The following GSE1 variants were observed in gnomAD, a reference collection of about 807,000 sequenced individuals.
The protein encoded by GSE1 is genetic suppressor element 1.
In GSE1, 32 loss-of-function variants were observed where a neutral mutation model predicts 112.6. The observed-to-expected ratio is 0.28, with a 90% CI of 0.21 to 0.38. GSE1 has a LOEUF of 0.38. Among genes scored for constraint, GSE1 ranks in the 10% least tolerant of loss-of-function variants. The pLI is 1.00. For missense variants in GSE1, 2,348 were observed against 1,699.2 expected (o/e 1.38, Z -6.71); for synonymous variants, 1,115 against 735.6 (o/e 1.52, Z -8.35).
At chr16:85,556,423 C>T in intron 1 of GSE1, 1 of 799,614 alleles carries the variant, frequency 1.3e-6, no homozygotes, top group Middle Eastern at 6.4e-4. Flanking sequence ...GGGACCCTCC[C>T]TCACCCGACC....
At chr16:85,374,553 CGT>C (rs2047378259) in intron 2 of GSE1, among the ~76,000 whole-genome samples, 1 of 142,720 alleles carries the variant, frequency 7.0e-6, no homozygotes, top group Non-Finnish European at 1.5e-5. Flanking sequence ...TGCGCGCGCG[CGT>C]GCACAGGTAG....
At chr16:85,619,867 C>T (rs932843726) in intron 1 of GSE1, among the ~76,000 whole-genome samples, 4 of 152,146 alleles carry the variant, frequency 2.6e-5, no homozygotes, top group African/African-American at 9.7e-5. Context: ...TGTAGTCACA[C>T]AGCTGGTAAT....
chr16:85,392,491 T>A (rs1366973607), intron 2 of GSE1, among the ~76,000 whole-genome samples: 2 of 152,236 alleles, frequency 1.3e-5, no homozygotes, highest in Non-Finnish European at 2.9e-5. Flanking sequence ...TGAAATTGAC[T>A]GTGGTGAGTA....
intron 2 of GSE1, among the ~76,000 whole-genome samples, chr16:85,640,559 C>A (rs1200758417): frequency 6.6e-6 from 1 of 152,208 alleles, no homozygotes; most frequent in Non-Finnish European, 1.5e-5. Context: ...CCTGGTGCCA[C>A]CTGAAACCGA....
intron 2 of GSE1, among the ~76,000 whole-genome samples, chr16:85,398,709 A>G (rs976220939): frequency 1.3e-5 from 2 of 152,154 alleles, no homozygotes. Context: ...TTAGTGTCAG[A>G]GCCAGGAGAG....
At chr16:85,587,171 C>T (rs1216326775) in intron 1 of GSE1, among the ~76,000 whole-genome samples, 3 of 149,372 alleles carry the variant, frequency 2.0e-5, no homozygotes, top group African/African-American at 4.9e-5. Flanking sequence ...GGACGAAACC[C>T]CCCCCCCCCC....
chr16:85,588,120 A>T (rs1036096093), intron 1 of GSE1, among the ~76,000 whole-genome samples: 2 of 152,142 alleles, frequency 1.3e-5, no homozygotes, highest in African/African-American at 4.8e-5. Flanking sequence ...TGTCCTTGCC[A>T]GCTTCACTTC....
chr16:85,601,116 G>C (rs984312225), intron 1 of GSE1, among the ~76,000 whole-genome samples: 1 of 152,072 alleles, frequency 6.6e-6, no homozygotes, highest in African/African-American at 2.4e-5. Flanking sequence ...GCTCTGCTGG[G>C]GGAGGATACA....
intron 1 of GSE1, among the ~76,000 whole-genome samples, chr16:85,254,958 C>T (rs1409395280): frequency 6.6e-6 from 1 of 152,192 alleles, no homozygotes; most frequent in Admixed American, 6.5e-5. Context: ...TGTTCTGTGT[C>T]CCCCGGTGAT....
At chr16:85,643,196 C>G (rs142891250) in intron 2 of GSE1, among the ~76,000 whole-genome samples, 58 of 152,364 alleles carry the variant, frequency 3.8e-4, no homozygotes, top group African/African-American at 1.2e-3. Flanking sequence ...CGGACACGGG[C>G]TGCCTCTTGT....
At chr16:85,504,992 G>C (rs936313717) in intron 2 of GSE1, among the ~76,000 whole-genome samples, 1 of 148,760 alleles carries the variant, frequency 6.7e-6, no homozygotes, top group Admixed American at 6.7e-5. Context: ...CATTCTCCTC[G>C]TCAGCATCAC....
intron 2 of GSE1, among the ~76,000 whole-genome samples, chr16:85,385,218 G>T (rs1378778874): frequency 6.6e-6 from 1 of 152,250 alleles, no homozygotes; most frequent in African/African-American, 2.4e-5. Flanking sequence ...CCTCCAGCCT[G>T]TGGCTGCTTG....
chr16:85,248,783 G>C (rs1012508361), intron 1 of GSE1, among the ~76,000 whole-genome samples: 1 of 152,118 alleles, frequency 6.6e-6, no homozygotes, highest in Non-Finnish European at 1.5e-5. Flanking sequence ...AATGGGAACT[G>C]CTTCCTCCCT....
intron 2 of GSE1, among the ~76,000 whole-genome samples, chr16:85,480,414 C>T (rs528008499): frequency 1.3e-5 from 2 of 152,258 alleles, no homozygotes; most frequent in South Asian, 2.1e-4. Context: ...CTCCACCCCC[C>T]TCTGCCTGCT....
At chr16:85,233,161 A>T (rs924453188) in intron 1 of GSE1, among the ~76,000 whole-genome samples, 4 of 152,404 alleles carry the variant, frequency 2.6e-5, no homozygotes, top group African/African-American at 7.2e-5. Context: ...CATCCCCGAC[A>T]GTCCCCCTTG....
intron 1 of GSE1, among the ~76,000 whole-genome samples, chr16:85,223,657 T>C (rs1358973602): frequency 1.3e-5 from 2 of 151,860 alleles, no homozygotes; most frequent in Non-Finnish European, 2.9e-5. Context: ...CAGGCTGGAG[T>C]GCAGTGGCGT....
chr16:85,583,600 C>T (rs1229867778), intron 1 of GSE1: 1 of 152,156 alleles, frequency 6.6e-6, no homozygotes, highest in African/African-American at 2.4e-5. Flanking sequence ...CACGCAAACT[C>T]ACACACGGGC....
intron 2 of GSE1, among the ~76,000 whole-genome samples, chr16:85,423,223 G>A (rs1297382971): frequency 2.0e-5 from 3 of 152,218 alleles, no homozygotes; most frequent in Non-Finnish European, 4.4e-5. Context: ...AGGGGCAAAC[G>A]CCCAGCCAAG....
intron 1 of GSE1, chr16:85,357,377 T>A (rs1597475496): frequency 2.3e-6 from 2 of 873,470 alleles, no homozygotes; most frequent in Non-Finnish European, 3.0e-6. Context: ...CGGGGAGGAA[T>A]GGCACCTATG....
Sources: gnomAD v4.1 joint callset for allele counts (sites outside exome capture counted in the v4.1 genomes callset) on GRCh38, gnomAD v4.1.1 for gene constraint, MANE v1.5 for transcripts, NCBI Gene and HGNC (gene_info 2026-07-23, HGNC 2026-07-21) for gene names.